The following CORO2B variants were observed in gnomAD, a reference collection of about 807,000 sequenced individuals.
CORO2B encodes the protein coronin 2B, also known as coronin-2B.
Under a neutral mutation model 58.8 loss-of-function variants are expected in CORO2B, and 26 were observed. The observed-to-expected ratio is 0.44, with a 90% CI of 0.32 to 0.61. CORO2B has a LOEUF of 0.61. Among genes scored for constraint, CORO2B ranks in the 20% least tolerant of loss-of-function variants. CORO2B has a pLI of 0.04. For synonymous variants in CORO2B, 242 were observed against 253.8 expected (o/e 0.95, Z 0.44); for missense variants, 460 against 645.1 (o/e 0.71, Z 3.11).
intron 1 of CORO2B, among the ~76,000 whole-genome samples, chr15:68,605,711 G>GTTTTTTTTTTTTTT (rs35340917): frequency 1.0e-5 from 1 of 99,094 alleles, no homozygotes; most frequent in Non-Finnish European, 1.9e-5. Flanking sequence ...GGGCTCTTGG[G>GTTTTTTTTTTTTTT]TTTTTTTTTT....
Position 68,726,154 on chromosome 15 carries a change from T to G in CORO2B, c.*180T>G. On this transcript the variant is annotated 3_prime_UTR_variant, in exon 12 of 12. Coordinates refer to ENST00000261861, the MANE Select transcript of CORO2B (RefSeq NM_006091.5). ...CTCTAACCTCCTGACCTCATGCTAA[T>G]AAAAGTCCCCAGCTTCTGGAGACCC... 1.3e-6 allele frequency: 1 copy of G among 746,858 alleles called. No homozygotes were observed. Among genetic ancestry groups the G allele is most frequent in the Non-Finnish European group, 2.1e-6 (1 of 475,990 alleles). 46.3% of individuals were successfully genotyped at this position (746,858 alleles called of 1,614,324 possible).
the CORO2B span, among the ~76,000 whole-genome samples, chr15:68,527,251 C>T: frequency 6.6e-6 from 1 of 152,108 alleles, no homozygotes; most frequent in South Asian, 2.1e-4. Context: ...ATTTTTCTTT[C>T]CCAGCTAGGC....
At chr15:68,660,136 C>A (rs1901966479) in intron 2 of CORO2B, among the ~76,000 whole-genome samples, 1 of 152,180 alleles carries the variant, frequency 6.6e-6, no homozygotes, top group Non-Finnish European at 1.5e-5. Context: ...GGTACCAATT[C>A]TCCTTTGACC....
At chr15:68,671,306 G>A (rs760918023) in intron 2 of CORO2B, among the ~76,000 whole-genome samples, 18 of 152,032 alleles carry the variant, frequency 1.2e-4, no homozygotes, top group Non-Finnish European at 2.4e-4. Flanking sequence ...GAATCTTCTG[G>A]AATGTCAGGG....
intron 1 of CORO2B, among the ~76,000 whole-genome samples, chr15:68,628,391 G>A (rs72746601): frequency 0.012 from 1,843 of 152,306 alleles, 17 homozygotes; most frequent in Non-Finnish European, 0.019. Context: ...AGATAATAGC[G>A]CCTGCCTCAC....
chr15:68,535,173 G>C, the CORO2B span, among the ~76,000 whole-genome samples: 197 of 152,254 alleles, frequency 1.3e-3, no homozygotes, highest in African/African-American at 4.7e-3. Context: ...TTCTTCAGAT[G>C]GTTCCTTTGA....
chr15:68,589,231 G>C (rs1899641101), intron 1 of CORO2B, among the ~76,000 whole-genome samples: 1 of 152,208 alleles, frequency 6.6e-6, no homozygotes, highest in Non-Finnish European at 1.5e-5. Context: ...AATGTGCCTT[G>C]TTTGCTGATT....
chr15:68,582,942 G>C lies in CORO2B; in HGVS notation c.15+3665G>C, dbSNP rs1340192260. On this transcript the variant is annotated intron_variant, in intron 1 of 11. Transcript: ENST00000261861. ...GTCCAGGAGCAAAGTACCCTGAGCA[G>C]CACAATTGCCTGCTGCACCTTAGAA... Among the ~76,000 whole-genome samples, 3 of 152,218 alleles carry C rather than the reference G, an allele frequency of 2.0e-5. No homozygotes were observed. The East Asian group carries it at 5.8e-4, about 29-fold the overall frequency.
chr15:68,652,965 A>C (rs1173062455), intron 2 of CORO2B, among the ~76,000 whole-genome samples: 1 of 152,168 alleles, frequency 6.6e-6, no homozygotes, highest in Admixed American at 6.5e-5. Context: ...ACATTAATTC[A>C]ACCAACACTT....
At chr15:68,597,806 T>C (rs571799788) in intron 1 of CORO2B, among the ~76,000 whole-genome samples, 1 of 152,272 alleles carries the variant, frequency 6.6e-6, no homozygotes, top group East Asian at 1.9e-4. Flanking sequence ...GCCTGCACAG[T>C]TAGACCCATT....
intron 2 of CORO2B, among the ~76,000 whole-genome samples, chr15:68,669,484 A>C (rs549871956): frequency 6.6e-6 from 1 of 152,172 alleles, no homozygotes; most frequent in Non-Finnish European, 1.5e-5. Flanking sequence ...TCTCTGACTG[A>C]AATTGCAGTA....
chr15:68,640,444 A>G (rs947624282), intron 1 of CORO2B, among the ~76,000 whole-genome samples: 10 of 152,174 alleles, frequency 6.6e-5, no homozygotes, highest in African/African-American at 2.4e-4. Context: ...ATCATGAGAC[A>G]AATCATTGGA....
the CORO2B span, among the ~76,000 whole-genome samples, chr15:68,569,275 C>T: frequency 6.6e-6 from 1 of 152,158 alleles, no homozygotes; most frequent in African/African-American, 2.4e-5. Context: ...CCCTAAAAAT[C>T]CTCTGTGCTC....
chr15:68,693,573 G>A (rs929815811), intron 2 of CORO2B, among the ~76,000 whole-genome samples: 1 of 152,196 alleles, frequency 6.6e-6, no homozygotes, highest in African/African-American at 2.4e-5. Context: ...TGGAAGCATA[G>A]CTTCTGCCTA....
At chr15:68,679,996 T>C (rs1300831693) in intron 2 of CORO2B, among the ~76,000 whole-genome samples, 2 of 151,980 alleles carry the variant, frequency 1.3e-5, no homozygotes, top group Admixed American at 1.3e-4. Context: ...ATGGGGACAG[T>C]GATGGCCCAG....
chr15:68,565,024 A>G, the CORO2B span, among the ~76,000 whole-genome samples: 1 of 152,166 alleles, frequency 6.6e-6, no homozygotes, highest in African/African-American at 2.4e-5. Context: ...GATTTTCCTA[A>G]TTTACATATT....
the CORO2B span, among the ~76,000 whole-genome samples, chr15:68,535,985 C>A: frequency 6.6e-6 from 1 of 152,146 alleles, no homozygotes; most frequent in African/African-American, 2.4e-5. Context: ...CATTTATAAC[C>A]TTGTGTGCTT....
intron 3 of CORO2B, among the ~76,000 whole-genome samples, chr15:68,697,929 A>C (rs547864546): frequency 2.4e-4 from 36 of 152,316 alleles, no homozygotes; most frequent in African/African-American, 8.4e-4. Flanking sequence ...GAATGCGGTG[A>C]CCACAGCTGG....
intron 1 of CORO2B, among the ~76,000 whole-genome samples, chr15:68,617,562 GGTGT>G (rs150433167): frequency 6.6e-6 from 1 of 151,926 alleles, no homozygotes; most frequent in South Asian, 2.1e-4. Flanking sequence ...TGTGTGGTTG[GGTGT>G]GTGTGTGTAT....
Sources: gnomAD v4.1 joint callset for allele counts (sites outside exome capture counted in the v4.1 genomes callset) on GRCh38, gnomAD v4.1.1 for gene constraint, MANE v1.5 for transcripts, NCBI Gene and HGNC (gene_info 2026-07-23, HGNC 2026-07-21) for gene names.